SLIT2: variants seen among roughly 807,000 people sequenced by gnomAD.
The protein encoded by SLIT2 is slit guidance ligand 2.
Under a neutral mutation model 185.7 loss-of-function variants are expected in SLIT2, and 41 were observed. That is an observed-to-expected ratio of 0.22 (90% CI 0.17 to 0.29). SLIT2 has a LOEUF of 0.29. Ranked by LOEUF, SLIT2 falls within the 10% of genes least tolerant of loss-of-function variation. The pLI is 1.00. For synonymous variants in SLIT2, 693 were observed against 680.2 expected (o/e 1.02, Z -0.29); for missense variants, 1,571 against 1,909.0 (o/e 0.82, Z 3.30).
intron 28 of SLIT2, 141 bp downstream of exon 28, chr4:20,567,756 C>T (rs888781672): frequency 2.7e-5 from 18 of 659,256 alleles, no homozygotes; most frequent in Admixed American, 5.3e-5. Flanking sequence ...TGGTCCCTCT[C>T]GTAGATATTG....
intron 4 of SLIT2, among the ~76,000 whole-genome samples, chr4:20,314,891 A>G (rs552154108): frequency 3.3e-5 from 5 of 152,218 alleles, no homozygotes; most frequent in African/African-American, 1.2e-4. Flanking sequence ...TAAAATTAGC[A>G]GAAGGGAAAA....
intron 4 of SLIT2, among the ~76,000 whole-genome samples, chr4:20,393,160 ATTGTAT>A (rs1725576160): frequency 6.6e-6 from 1 of 152,070 alleles, no homozygotes; most frequent in African/African-American, 2.4e-5. Flanking sequence ...TAGGACCATC[ATTGTAT>A]ATGCGATCCA....
intron 29 of SLIT2, among the ~76,000 whole-genome samples, chr4:20,577,328 G>A (rs147109932): frequency 5.9e-5 from 9 of 152,266 alleles, no homozygotes; most frequent in East Asian, 1.9e-4. Flanking sequence ...AATAGGAACC[G>A]AAAACTGATT....
intron 4 of SLIT2, among the ~76,000 whole-genome samples, chr4:20,429,526 G>T (rs964524177): frequency 6.6e-6 from 1 of 152,030 alleles, no homozygotes; most frequent in Non-Finnish European, 1.5e-5. Context: ...TAATGATTAC[G>T]TACACAAATA....
chr4:20,470,616 C>G (rs1405398972), intron 5 of SLIT2, among the ~76,000 whole-genome samples: 1 of 151,896 alleles, frequency 6.6e-6, no homozygotes, highest in Non-Finnish European at 1.5e-5. Context: ...CGCTCTGTCA[C>G]CCAGGCTGGA....
At chr4:20,313,817 A>G (rs560674003) in intron 4 of SLIT2, among the ~76,000 whole-genome samples, 17 of 152,220 alleles carry the variant, frequency 1.1e-4, no homozygotes, top group African/African-American at 3.9e-4. Context: ...TGATCTGAAC[A>G]CGAGGTGGCG....
At chr4:20,506,985 A>G (rs1230628388) in intron 9 of SLIT2, among the ~76,000 whole-genome samples, 3 of 152,002 alleles carry the variant, frequency 2.0e-5, no homozygotes, top group African/African-American at 7.2e-5. Flanking sequence ...TAAATGAATA[A>G]AAGTAAACAA....
intron 4 of SLIT2, among the ~76,000 whole-genome samples, chr4:20,379,375 ATAT>A (rs1372000981): frequency 2.0e-5 from 3 of 152,168 alleles, no homozygotes; most frequent in Non-Finnish European, 4.4e-5. Flanking sequence ...TTTACAGATG[ATAT>A]TATGTACTTT....
At position 20,491,748 on chromosome 4, in the gene SLIT2, A is replaced by C; in HGVS notation, c.776-13A>C. Reference sequence around the variant, plus strand: ...AGGAGGAAAAATATAATTCCTGTTTATTTCTTTTTTAGGTCACCAGTCATT... The same window carrying C: ...AGGAGGAAAAATATAATTCCTGTTTCTTTCTTTTTTAGGTCACCAGTCATT... On this transcript the variant is annotated splice_polypyrimidine_tract_variant and intron_variant, in intron 8 of 36. Coordinates refer to ENST00000504154, the MANE Select transcript of SLIT2 (RefSeq NM_004787.4). 1 of 1,604,482 alleles carries C rather than the reference A, an allele frequency of 6.2e-7. No individual in the cohort carries two copies. Among genetic ancestry groups the C allele is most frequent in the Non-Finnish European group, 8.5e-7 (1 of 1,176,174 alleles).
intron 4 of SLIT2, among the ~76,000 whole-genome samples, chr4:20,272,270 T>A (rs1463458348): frequency 8.0e-6 from 1 of 124,942 alleles, no homozygotes; most frequent in South Asian, 3.1e-4. Flanking sequence ...AGGTTGGAGG[T>A]TAAAAAAAAA....
At position 20,471,478 on chromosome 4, in the gene SLIT2, C is replaced by A. The variant is rs142544149; in HGVS notation, c.467+3655C>A. On this transcript the variant is annotated intron_variant, in intron 5 of 36. Coordinates refer to ENST00000504154, the MANE Select transcript of SLIT2 (RefSeq NM_004787.4). ...CATCCCATGTGTCATGCTAGTATGTCCATTTACAAGTTGAAAAACCCTGCA... is the reference window on the plus strand; with the variant it reads ...CATCCCATGTGTCATGCTAGTATGTACATTTACAAGTTGAAAAACCCTGCA... 3.9e-5 allele frequency among the ~76,000 whole-genome samples: 6 copies of A among 152,146 alleles called. No homozygotes were observed. In the East Asian group the frequency reaches 1.2e-3, roughly 29 times the overall value.
intron 4 of SLIT2, among the ~76,000 whole-genome samples, chr4:20,401,079 C>G (rs1260944247): frequency 6.6e-6 from 1 of 151,836 alleles, no homozygotes; most frequent in East Asian, 1.9e-4. Flanking sequence ...ACCACTGAAT[C>G]TAAGTTGATT....
chr4:20,580,849 T>G (rs914813399), intron 29 of SLIT2, among the ~76,000 whole-genome samples: 4 of 152,158 alleles, frequency 2.6e-5, no homozygotes, highest in Non-Finnish European at 4.4e-5. Flanking sequence ...GCACCGCTTA[T>G]TACAGACTGA....
chr4:20,382,058 A>G (rs988806308), intron 4 of SLIT2, among the ~76,000 whole-genome samples: 1 of 152,116 alleles, frequency 6.6e-6, no homozygotes, highest in Non-Finnish European at 1.5e-5. Context: ...GATTTATCCC[A>G]AAAATGCAAG....
At chr4:20,345,480 A>G (rs1043432601) in intron 4 of SLIT2, among the ~76,000 whole-genome samples, 6 of 151,414 alleles carry the variant, frequency 4.0e-5, no homozygotes, top group Non-Finnish European at 5.9e-5. Context: ...CCTGGTCTGG[A>G]ATACTTATTT....
Position 20,356,054 on chromosome 4 carries a change from T to C in SLIT2, c.395+87173T>C, listed in dbSNP as rs1333555782. Among the ~76,000 whole-genome samples, 4 of 152,202 alleles carry C rather than the reference T, an allele frequency of 2.6e-5. 1 individual carries two copies. The highest frequency in any genetic ancestry group is 2.0e-4 in the Admixed American group (3 of 15,266). ...AAATAGGGAACAAGATAAATGATTA[T>C]GAAGATGTATAGATCTTTTAATCAT... is the stretch of plus-strand genomic sequence containing the variant. On this transcript the variant is annotated intron_variant, in intron 4 of 36. Coordinates refer to ENST00000504154, the MANE Select transcript of SLIT2 (RefSeq NM_004787.4).
chr4:20,366,259 G>T (rs1723110027), intron 4 of SLIT2, among the ~76,000 whole-genome samples: 1 of 151,782 alleles, frequency 6.6e-6, no homozygotes, highest in African/African-American at 2.4e-5. Flanking sequence ...TCTGAAACTG[G>T]TTCTCAACAC....
At chr4:20,518,849 G>A (rs1047122417) in intron 11 of SLIT2, among the ~76,000 whole-genome samples, 9 of 149,632 alleles carry the variant, frequency 6.0e-5, no homozygotes, top group African/African-American at 1.7e-4. Context: ...CTCGTGATCC[G>A]CCCGCCTCGG....
Position 20,488,800 on chromosome 4 carries a change from T to A in SLIT2, c.612-19T>A. The A allele has an allele frequency of 6.4e-7, 1 of 1,556,064 alleles. No individual in the cohort carries two copies. The highest frequency in any genetic ancestry group is 1.9e-5 in the Admixed American group (1 of 52,738). On this transcript the variant is annotated intron_variant, in intron 7 of 36. Transcript: ENST00000504154. Reference sequence around the variant, plus strand: ...GACTTTCTGTTTTCTTGCTTTACACTTCTTTTTTTCTCATTTAGTCGACTG... The same window carrying A: ...GACTTTCTGTTTTCTTGCTTTACACATCTTTTTTTCTCATTTAGTCGACTG...
Sources: allele counts gnomAD v4.1 joint callset (sites outside exome capture counted in the v4.1 genomes callset), GRCh38; gene constraint gnomAD v4.1.1; transcripts MANE v1.5; gene names NCBI Gene and HGNC (gene_info 2026-07-23, HGNC 2026-07-21).